PRKAR2A: variants seen among roughly 807,000 people sequenced by gnomAD.
PRKAR2A encodes the protein protein kinase cAMP-dependent type II regulatory subunit alpha.
In PRKAR2A, 29 loss-of-function variants were observed where a neutral mutation model predicts 51.9. The observed-to-expected ratio is 0.56, with a 90% CI of 0.42 to 0.76. The LOEUF is 0.76. Among genes scored for constraint, PRKAR2A ranks in the 30% least tolerant of loss-of-function variants. The pLI is 0.00. For missense variants in PRKAR2A, 445 were observed against 512.1 expected (o/e 0.87, Z 1.26); for synonymous variants, 178 against 186.2 (o/e 0.96, Z 0.36).
intron 8 of PRKAR2A, among the ~76,000 whole-genome samples, chr3:48,758,359 G>A (rs2081806927): frequency 6.6e-6 from 1 of 151,700 alleles, no homozygotes; most frequent in Non-Finnish European, 1.5e-5. Flanking sequence ...CAGGCAGACT[G>A]CCTGAGCTCA....
intron 3 of PRKAR2A, among the ~76,000 whole-genome samples, chr3:48,792,255 C>A (rs1402619360): frequency 6.6e-6 from 1 of 151,386 alleles, no homozygotes; most frequent in Non-Finnish European, 1.5e-5. Flanking sequence ...GATTCTCCTG[C>A]CTCAGCCTCC....
At chr3:48,822,756 C>G (rs1243125569) in intron 1 of PRKAR2A, among the ~76,000 whole-genome samples, 1 of 115,220 alleles carries the variant, frequency 8.7e-6, no homozygotes, top group Non-Finnish European at 1.8e-5. Context: ...GAGACAAGAT[C>G]TCGTTCTGTT....
chr3:48,801,446 C>T (rs1051479923), intron 2 of PRKAR2A, among the ~76,000 whole-genome samples: 4 of 152,086 alleles, frequency 2.6e-5, no homozygotes, highest in Admixed American at 6.5e-5. Flanking sequence ...AGCCACCATG[C>T]CCAGCCAAAT....
At chr3:48,829,871 A>AT (rs763726926) in intron 1 of PRKAR2A, among the ~76,000 whole-genome samples, 222 of 87,724 alleles carry the variant, frequency 2.5e-3, no homozygotes, top group East Asian at 7.8e-3. Context: ...ATATATATAT[A>AT]TTTTTTTTTT....
At chr3:48,755,877 C>G (rs1270879047) in intron 9 of PRKAR2A, among the ~76,000 whole-genome samples, 3 of 150,008 alleles carry the variant, frequency 2.0e-5, no homozygotes, top group Non-Finnish European at 4.4e-5. Flanking sequence ...CTCCGGTGTT[C>G]ATGCCATTCT....
At chr3:48,828,238 G>A (rs1321634182) in intron 1 of PRKAR2A, among the ~76,000 whole-genome samples, 1 of 152,076 alleles carries the variant, frequency 6.6e-6, no homozygotes, top group Non-Finnish European at 1.5e-5. Flanking sequence ...GCACAGGCTA[G>A]AGTGTAGCAG....
intron 1 of PRKAR2A, among the ~76,000 whole-genome samples, chr3:48,833,197 C>A (rs2083223453): frequency 6.6e-6 from 1 of 152,156 alleles, no homozygotes; most frequent in African/African-American, 2.4e-5. Flanking sequence ...CACCATAACC[C>A]AGCTAATTGT....
chr3:48,835,493 T>C (rs1012703332), intron 1 of PRKAR2A, among the ~76,000 whole-genome samples: 3 of 151,648 alleles, frequency 2.0e-5, no homozygotes, highest in African/African-American at 7.3e-5. Context: ...TACAAAAAAT[T>C]AGGCGGGCGT....
intron 1 of PRKAR2A, among the ~76,000 whole-genome samples, chr3:48,821,463 C>T (rs2082959012): frequency 6.6e-6 from 1 of 152,184 alleles, no homozygotes; most frequent in South Asian, 2.1e-4. Flanking sequence ...ATGCAAGTTC[C>T]CTGGTTTTTA....
intron 2 of PRKAR2A, among the ~76,000 whole-genome samples, chr3:48,804,092 G>A (rs543929729): frequency 6.6e-6 from 1 of 152,270 alleles, no homozygotes; most frequent in South Asian, 2.1e-4. Flanking sequence ...CCTCCAATCA[G>A]GTTCAGCTAT....
chr3:48,836,099 G>C (rs1003237082), intron 1 of PRKAR2A, among the ~76,000 whole-genome samples: 1 of 151,910 alleles, frequency 6.6e-6, no homozygotes, highest in Non-Finnish European at 1.5e-5. Flanking sequence ...AAATGGTGCT[G>C]AACAACTGGA....
intron 6 of PRKAR2A, among the ~76,000 whole-genome samples, chr3:48,766,828 T>A (rs920222218): frequency 6.6e-6 from 1 of 152,158 alleles, no homozygotes; most frequent in African/African-American, 2.4e-5. Flanking sequence ...ATACCTTGAC[T>A]CTAGCAAGTC....
At chr3:48,768,164 T>A (rs2081968084) in intron 6 of PRKAR2A, among the ~76,000 whole-genome samples, 1 of 151,270 alleles carries the variant, frequency 6.6e-6, no homozygotes, top group African/African-American at 2.4e-5. Flanking sequence ...CGTGGTGGCG[T>A]GCACTTGTGG....
At chr3:48,828,508 G>A (rs374431098) in intron 1 of PRKAR2A, among the ~76,000 whole-genome samples, 10 of 151,748 alleles carry the variant, frequency 6.6e-5, no homozygotes, top group South Asian at 2.1e-4. Flanking sequence ...GCTTGAGCCC[G>A]AAAAGTTCAA....
intron 8 of PRKAR2A, among the ~76,000 whole-genome samples, chr3:48,758,867 T>C (rs562325971): frequency 1.3e-5 from 2 of 152,290 alleles, no homozygotes; most frequent in South Asian, 4.1e-4. Context: ...GGATAAATAA[T>C]CTTTCCCTAG....
At chr3:48,822,041 T>G (rs936249453) in intron 1 of PRKAR2A, among the ~76,000 whole-genome samples, 16 of 151,600 alleles carry the variant, frequency 1.1e-4, no homozygotes, top group Admixed American at 2.6e-4. Context: ...CTGGCCAACA[T>G]GGCGAAACCC....
At chr3:48,773,587 C>T (rs1214249780) in intron 5 of PRKAR2A, among the ~76,000 whole-genome samples, 4 of 152,026 alleles carry the variant, frequency 2.6e-5, no homozygotes, top group Non-Finnish European at 5.9e-5. Flanking sequence ...ATCCGCCCGC[C>T]TCAGCCTCCT....
chr3:48,786,565 A>T (rs1009671305), intron 4 of PRKAR2A, among the ~76,000 whole-genome samples: 1 of 149,184 alleles, frequency 6.7e-6, no homozygotes, highest in Admixed American at 6.7e-5. Context: ...TGGGAGGCAG[A>T]GGCGGGCGAA....
intron 4 of PRKAR2A, among the ~76,000 whole-genome samples, chr3:48,785,905 A>G (rs768566377): frequency 1.3e-5 from 2 of 152,188 alleles, no homozygotes; most frequent in African/African-American, 2.4e-5. Context: ...CTGGGTATTC[A>G]TGTTATTATT....
Sources: allele counts gnomAD v4.1 joint callset (sites outside exome capture counted in the v4.1 genomes callset), GRCh38; gene constraint gnomAD v4.1.1; transcripts MANE v1.5; gene names NCBI Gene and HGNC (gene_info 2026-07-23, HGNC 2026-07-21).